The following PDSS2 variants were observed in gnomAD, a reference collection of about 807,000 sequenced individuals.
The protein encoded by PDSS2 is decaprenyl diphosphate synthase subunit 2, also known as all trans-polyprenyl-diphosphate synthase PDSS2.
A neutral mutation model predicts 44.5 loss-of-function variants in PDSS2; 31 were observed. The observed-to-expected ratio is 0.70, with a 90% confidence interval of 0.52 to 0.94. PDSS2 has a LOEUF of 0.94. Among genes scored for constraint, PDSS2 ranks in the 40% least tolerant of loss-of-function variants. The probability of loss-of-function intolerance (pLI) is 0.00; values close to 1 mark genes in which losing one functional copy is unlikely to be tolerated. For synonymous variants in PDSS2, 157 were observed against 180.3 expected, an observed-to-expected ratio of 0.87 and a Z score of 1.03; for missense variants, 452 against 482.2, an observed-to-expected ratio of 0.94 and a Z score of 0.59.
intron 2 of PDSS2, among the ~76,000 whole-genome samples, chr6:107,294,960 C>T (rs1259859991): frequency 1.3e-5 from 2 of 152,010 alleles, no homozygotes; most frequent in African/African-American, 2.4e-5. Flanking sequence ...GATGGAGTCT[C>T]GCTTGGTCAC....
At chr6:107,340,734 T>C (rs574073254) in intron 1 of PDSS2, among the ~76,000 whole-genome samples, 1 of 151,928 alleles carries the variant, frequency 6.6e-6, no homozygotes, top group Non-Finnish European at 1.5e-5. Flanking sequence ...TTTCCCTGAG[T>C]AGGGAACAGA....
chr6:107,198,871 C>T (rs935867592), intron 6 of PDSS2, among the ~76,000 whole-genome samples: 4 of 152,118 alleles, frequency 2.6e-5, no homozygotes, highest in African/African-American at 7.2e-5. Flanking sequence ...TGGCGCGCAC[C>T]TGTAATCCCA....
At position 107,260,812 on chromosome 6, in the gene PDSS2, C is replaced by T. The variant is rs538962049; in HGVS notation, c.630+13217G>A. ...CCGAGTAGCTGGGACTACAGGCGCC[C>T]GCCACTATGCCCGGCTAATTTTTGT... is the stretch of plus-strand genomic sequence containing the variant. On this transcript the variant is annotated intron_variant, in intron 3 of 7. Coordinates refer to ENST00000369037, the MANE Select transcript of PDSS2 (RefSeq NM_020381.4). 4.6e-5 allele frequency among the ~76,000 whole-genome samples: 7 copies of T among 151,938 alleles called. No homozygotes were observed. In the South Asian group the frequency reaches 6.3e-4, roughly 14 times the overall value.
chr6:107,456,694 C>T (rs1782054226), intron 1 of PDSS2, among the ~76,000 whole-genome samples: 1 of 152,056 alleles, frequency 6.6e-6, no homozygotes, highest in African/African-American at 2.4e-5. Flanking sequence ...GATGTGCATC[C>T]CCACGCCCAA....
At chr6:107,159,050 T>C (rs1771018614) in intron 7 of PDSS2, among the ~76,000 whole-genome samples, 2 of 151,882 alleles carry the variant, frequency 1.3e-5, no homozygotes, top group South Asian at 4.2e-4. Context: ...CAGTTCTAAG[T>C]GGGGATAATA....
chr6:107,245,300 T>C (rs183240687), intron 4 of PDSS2, among the ~76,000 whole-genome samples: 43 of 152,038 alleles, frequency 2.8e-4, no homozygotes, highest in African/African-American at 9.6e-4. Flanking sequence ...CAGTGTCTAC[T>C]GAGCTGCTGC....
At chr6:107,286,101 GGA>G (rs1254576349) in intron 2 of PDSS2, among the ~76,000 whole-genome samples, 2 of 126,520 alleles carry the variant, frequency 1.6e-5, no homozygotes, top group African/African-American at 6.2e-5. Flanking sequence ...GATCTAGGCT[GGA>G]GCCTAGTCAA....
chr6:107,175,678 C>T lies in PDSS2; in HGVS notation c.1041+18144G>A, dbSNP rs966357745. 4.6e-5 allele frequency among the ~76,000 whole-genome samples: 7 copies of T among 152,130 alleles called. No homozygotes were observed. The South Asian group carries it at 1.5e-3, about 32-fold the overall frequency. On this transcript the variant is annotated intron_variant, in intron 7 of 7. Coordinates refer to ENST00000369037, the MANE Select transcript of PDSS2 (RefSeq NM_020381.4). Reference sequence around the variant, plus strand: ...CTCTACTGCAACACATATATATTTTCCACCAACCTAAAAATGCCATATGGT... The same window carrying T: ...CTCTACTGCAACACATATATATTTTTCACCAACCTAAAAATGCCATATGGT...
At chr6:107,367,123 C>T (rs1448962164) in intron 1 of PDSS2, among the ~76,000 whole-genome samples, 1 of 152,072 alleles carries the variant, frequency 6.6e-6, no homozygotes, top group Non-Finnish European at 1.5e-5. Context: ...TAAAAAGAGG[C>T]TCATATACCA....
chr6:107,419,004 C>G (rs1780747142), intron 1 of PDSS2, among the ~76,000 whole-genome samples: 1 of 151,690 alleles, frequency 6.6e-6, no homozygotes, highest in Admixed American at 6.6e-5. Flanking sequence ...GTTCTCAACT[C>G]TAGTTGTATA....
chr6:107,293,023 G>T (rs1225757161), intron 2 of PDSS2, among the ~76,000 whole-genome samples: 1 of 152,220 alleles, frequency 6.6e-6, no homozygotes, highest in Non-Finnish European at 1.5e-5. Context: ...TATCAATTCG[G>T]TTTATCAGAT....
At chr6:107,248,906 C>T (rs1774720456) in intron 3 of PDSS2, among the ~76,000 whole-genome samples, 1 of 152,144 alleles carries the variant, frequency 6.6e-6, no homozygotes, top group Non-Finnish European at 1.5e-5. Flanking sequence ...TACCAAATCC[C>T]CTTTGGTTTC....
Position 107,212,128 on chromosome 6 carries a change from T to G in PDSS2, c.857A>C (p.His286Pro). The change falls in exon 5 of 8, where the codon CAC becomes CCC. Residue 286 changes from histidine (H) to proline (P), a missense_variant. His to Pro is a moderately conservative substitution (Grantham distance 77). Coordinates refer to ENST00000369037, the MANE Select transcript of PDSS2 (RefSeq NM_020381.4). The stretch of plus-strand genomic sequence containing the variant: ...AAGTACCTTATGACTCATGGCCATG[T>G]GCTTCCCATACTGAAATGCCATATT... Reference protein sequence around the residue: ...VQNMAFQYGKHMAMSHKINSD... With the variant: ...VQNMAFQYGKPMAMSHKINSD... The G allele has an allele frequency of 6.2e-7, 1 of 1,614,082 alleles. No individual in the cohort carries two copies. The highest frequency in any genetic ancestry group is 8.5e-7 in the Non-Finnish European group (1 of 1,179,926).
At chr6:107,325,355 G>A (rs1777504857) in intron 2 of PDSS2, among the ~76,000 whole-genome samples, 1 of 152,112 alleles carries the variant, frequency 6.6e-6, no homozygotes, top group South Asian at 2.1e-4. Context: ...CCATTTAAAA[G>A]TCAGAAAATT....
chr6:107,452,151 C>T (rs1273427722), intron 1 of PDSS2, among the ~76,000 whole-genome samples: 2 of 152,068 alleles, frequency 1.3e-5, no homozygotes, highest in African/African-American at 4.8e-5. Flanking sequence ...GCCTCTGTTT[C>T]CCTAGTAGCT....
In PDSS2 at chr6:107,375,476, T is replaced by TAG. The variant is rs1470926168; in HGVS notation, c.297-41146_297-41145dup. Among the ~76,000 whole-genome samples the TAG allele has an allele frequency of 2.6e-5, 4 of 152,172 alleles. No homozygotes were observed. The East Asian group carries it at 7.7e-4, about 29-fold the overall frequency. On this transcript the variant is annotated intron_variant, in intron 1 of 7. Transcript: ENST00000369037. ...CTTTATGCCCATGCATTCAATAACTTAGATGGGATGAACAAATTCCTTGAA... is the reference window on the plus strand; with the variant it reads ...CTTTATGCCCATGCATTCAATAACTTAGAGATGGGATGAACAAATTCCTTGAA...
intron 1 of PDSS2, among the ~76,000 whole-genome samples, chr6:107,409,802 G>A (rs917097190): frequency 2.6e-5 from 4 of 152,186 alleles, no homozygotes. Context: ...TCTAATGGCA[G>A]AGGCAGACAT....
intron 3 of PDSS2, among the ~76,000 whole-genome samples, chr6:107,247,839 TAA>T (rs10648723): frequency 1.1e-5 from 1 of 88,026 alleles, no homozygotes; most frequent in East Asian, 3.4e-4. Flanking sequence ...CTGTCTCTAC[TAA>T]AAAAAAAAAA....
intron 2 of PDSS2, among the ~76,000 whole-genome samples, chr6:107,285,269 A>C (rs536408587): frequency 6.6e-6 from 1 of 152,164 alleles, no homozygotes; most frequent in Admixed American, 6.5e-5. Flanking sequence ...TGAAAATTAC[A>C]AAAAAACAAA....
Sources: allele counts gnomAD v4.1 joint callset (sites outside exome capture counted in the v4.1 genomes callset), GRCh38; gene constraint gnomAD v4.1.1; transcripts MANE v1.5; gene names NCBI Gene and HGNC (gene_info 2026-07-23, HGNC 2026-07-21).